Variants in IL1RAPL1 observed in about 807,000 individuals in gnomAD.
The protein encoded by IL1RAPL1 is interleukin 1 receptor accessory protein like 1.
IL1RAPL1 carries 3 observed loss-of-function variants against 48.4 expected under a neutral mutation model. That is an observed-to-expected ratio of 0.06 (90% confidence interval 0.03 to 0.16). IL1RAPL1 has a LOEUF of 0.16. Ranked by LOEUF, IL1RAPL1 falls within the 10% of genes least tolerant of loss-of-function variation. IL1RAPL1 has a pLI of 1.00. For synonymous variants in IL1RAPL1, 185 were observed against 187.7 expected, an observed-to-expected ratio of 0.99 and a Z score of 0.12; for missense variants, 349 against 530.6, an observed-to-expected ratio of 0.66 and a Z score of 3.36.
intron 2 of IL1RAPL1, among the ~76,000 whole-genome samples, chrX:28,916,333 AG>A (rs1444558840): frequency 9.0e-6 from 1 of 111,492 alleles, no homozygotes; most frequent in Non-Finnish European, 1.9e-5. Flanking sequence ...GTCATCATTC[AG>A]GAAGTTGTAA....
chrX:28,908,045 A>G (rs1357517075), intron 2 of IL1RAPL1, among the ~76,000 whole-genome samples: 3 of 111,489 alleles, frequency 2.7e-5, no homozygotes, highest in Non-Finnish European at 5.7e-5. Flanking sequence ...CTTTATTACC[A>G]TCTAATATCT....
At chrX:28,859,718 A>G (rs966695125) in intron 2 of IL1RAPL1, among the ~76,000 whole-genome samples, 1 of 108,718 alleles carries the variant, frequency 9.2e-6, no homozygotes, top group Non-Finnish European at 1.9e-5. Flanking sequence ...TGGAAAAATT[A>G]TTATTATTGA....
chrX:29,909,745 ATT>A lies in IL1RAPL1; in HGVS notation c.779-7718_779-7717del, dbSNP rs1210192431. Among the ~76,000 whole-genome samples, 1,041 of 111,900 alleles carry A rather than the reference ATT, an allele frequency of 9.3e-3. 8 individuals carry two copies. The highest frequency in any genetic ancestry group is 0.032 in the African/African-American group (981 of 30,819). On this transcript the variant is annotated intron_variant, in intron 6 of 10. Coordinates refer to ENST00000378993, the MANE Select transcript of IL1RAPL1 (RefSeq NM_014271.4). The stretch of plus-strand genomic sequence containing the variant: ...AACAGTTTAAAGTTTCAGTGCTATG[ATT>A]AAAAAGTCAAAACATAACAGATGCT...
chrX:28,946,427 G>A (rs1439311741), intron 2 of IL1RAPL1, among the ~76,000 whole-genome samples: 1 of 110,831 alleles, frequency 9.0e-6, no homozygotes, highest in African/African-American at 3.3e-5. Flanking sequence ...TATAATTATA[G>A]AAAACTTACT....
At chrX:29,447,458 G>A (rs1279867973) in intron 5 of IL1RAPL1, among the ~76,000 whole-genome samples, 2 of 110,480 alleles carry the variant, frequency 1.8e-5, no homozygotes, top group African/African-American at 6.6e-5. Flanking sequence ...TATTATAATT[G>A]TCCTAGAAAC....
chrX:28,988,139 C>CT (rs66658449), intron 2 of IL1RAPL1, among the ~76,000 whole-genome samples: 38,103 of 108,017 alleles, frequency 0.35, 5,093 homozygotes, highest in Admixed American at 0.44. Flanking sequence ...AATGGGCTTG[C>CT]TTTTTTTTTA....
At chrX:29,411,721 T>TA (rs1934146295) in intron 5 of IL1RAPL1, among the ~76,000 whole-genome samples, 1 of 109,681 alleles carries the variant, frequency 9.1e-6, no homozygotes, top group African/African-American at 3.3e-5. Flanking sequence ...TTTTTTTTTT[T>TA]ACTGCTAACC....
chrX:29,277,846 A>G (rs1019981296), intron 2 of IL1RAPL1, among the ~76,000 whole-genome samples: 84 of 112,082 alleles, frequency 7.5e-4, no homozygotes, highest in African/African-American at 2.4e-3. Context: ...TGTTTCATAT[A>G]TAGCTTATAC....
At chrX:29,549,515 T>C (rs1345449337) in intron 5 of IL1RAPL1, among the ~76,000 whole-genome samples, 1 of 112,046 alleles carries the variant, frequency 8.9e-6, no homozygotes, top group Non-Finnish European at 1.9e-5. Context: ...TGTACATATG[T>C]ATAGGAAAAA....
intron 2 of IL1RAPL1, among the ~76,000 whole-genome samples, chrX:29,156,570 G>A (rs1929573749): frequency 9.0e-6 from 1 of 111,368 alleles, no homozygotes. Flanking sequence ...GAATCACATT[G>A]TGTAGGTGTA....
At position 28,688,321 on chromosome X, in the gene IL1RAPL1, A is replaced by G. The variant is rs148750198; in HGVS notation, c.-25+100274A>G. On this transcript the variant is annotated intron_variant, in intron 1 of 10. Transcript: ENST00000378993. ...CTTGGGAGGCTCAAGTGGTCCTCCT[A>G]CCTCAGCCTCCAGAGTAGCTAGGAC... is the stretch of plus-strand genomic sequence containing the variant. Among the ~76,000 whole-genome samples the G allele has an allele frequency of 4.0e-3, 439 of 108,488 alleles. 2 individuals carry two copies. The highest frequency in any genetic ancestry group is 0.014 in the African/African-American group (428 of 29,757). 94.2% of individuals were successfully genotyped at this position (108,488 alleles called of 115,157 possible). A position where few individuals can be genotyped will look rare whatever the true frequency, so the allele number is the denominator to read the frequency against.
chrX:28,706,379 T>A (rs1416940773), intron 1 of IL1RAPL1, among the ~76,000 whole-genome samples: 1 of 111,071 alleles, frequency 9.0e-6, no homozygotes, highest in Non-Finnish European at 1.9e-5. Flanking sequence ...TCTAAGGACA[T>A]ACATTTCTTT....
chrX:29,811,695 C>T (rs73456443), intron 6 of IL1RAPL1, among the ~76,000 whole-genome samples: 2,037 of 111,391 alleles, frequency 0.018, 53 homozygotes, highest in African/African-American at 0.062. Context: ...TGTTTCTGAT[C>T]TTGATTATGA....
chrX:29,795,416 A>G (rs1929720238), intron 6 of IL1RAPL1, among the ~76,000 whole-genome samples: 1 of 111,524 alleles, frequency 9.0e-6, no homozygotes, highest in Non-Finnish European at 1.9e-5. Context: ...CGCTTCCAAC[A>G]TTTTTTGTTT....
At chrX:29,517,026 C>T (rs978273700) in intron 5 of IL1RAPL1, among the ~76,000 whole-genome samples, 1 of 111,174 alleles carries the variant, frequency 9.0e-6, no homozygotes, top group Non-Finnish European at 1.9e-5. Context: ...GACAGTAATA[C>T]ATATTGCAAA....
intron 6 of IL1RAPL1, among the ~76,000 whole-genome samples, chrX:29,847,061 A>C (rs1295566557): frequency 9.0e-6 from 1 of 111,474 alleles, no homozygotes; most frequent in African/African-American, 3.3e-5. Flanking sequence ...TGAAATCCTA[A>C]GGGTTACTAA....
intron 2 of IL1RAPL1, among the ~76,000 whole-genome samples, chrX:29,277,673 C>T (rs1008445650): frequency 2.7e-5 from 3 of 112,012 alleles, no homozygotes; most frequent in African/African-American, 9.7e-5. Context: ...TCCAAGATAT[C>T]TATCCAAGTA....
intron 3 of IL1RAPL1, among the ~76,000 whole-genome samples, chrX:29,359,037 CA>C (rs1933342585): frequency 9.1e-6 from 1 of 110,063 alleles, no homozygotes; most frequent in Non-Finnish European, 1.9e-5. Flanking sequence ...AAAAAAACAA[CA>C]ATGTAATATA....
chrX:28,788,582 T>A (rs1290923934), intron 1 of IL1RAPL1, among the ~76,000 whole-genome samples: 2 of 109,164 alleles, frequency 1.8e-5, no homozygotes, highest in Non-Finnish European at 3.8e-5. Context: ...TCCTCCTACA[T>A]CAGCCTCCCA....
Sources: allele counts gnomAD v4.1 joint callset (sites outside exome capture counted in the v4.1 genomes callset), GRCh38; gene constraint gnomAD v4.1.1; transcripts MANE v1.5; gene names NCBI Gene and HGNC (gene_info 2026-07-23, HGNC 2026-07-21).